The following KANK1 variants were observed in gnomAD, a reference collection of about 807,000 sequenced individuals.
KANK1 encodes the protein KN motif and ankyrin repeat domain-containing protein 1.
In KANK1, 109 loss-of-function variants were observed where a neutral mutation model predicts 106.2. That is an observed-to-expected ratio of 1.03 (90% CI 0.88 to 1.20). The LOEUF is 1.20. Among genes scored for constraint, KANK1 ranks in the 50% most tolerant of loss-of-function variants. The probability of loss-of-function intolerance (pLI) is 0.00; values close to 1 mark genes in which losing one functional copy is unlikely to be tolerated. For missense variants in KANK1, 2,399 were observed against 1,710.7 expected, an observed-to-expected ratio of 1.40 and a Z score of -7.10; for synonymous variants, 873 against 652.2, an observed-to-expected ratio of 1.34 and a Z score of -5.16.
At chr9:509,780 A>G (rs1292378168) in intron 1 of KANK1, among the ~76,000 whole-genome samples, 2 of 152,104 alleles carry the variant, frequency 1.3e-5, no homozygotes, top group South Asian at 2.1e-4. Flanking sequence ...TGAACCTAAT[A>G]TGGAATTGAT....
intron 6 of KANK1, chr9:734,123 A>AAC (rs1397721446): frequency 2.0e-5 from 3 of 151,340 alleles, no homozygotes; most frequent in Admixed American, 1.3e-4. Flanking sequence ...AAAAAAAAAA[A>AAC]AAAAAAAAAA....
At chr9:528,205 A>G (rs1386986028) in intron 1 of KANK1, among the ~76,000 whole-genome samples, 2 of 151,164 alleles carry the variant, frequency 1.3e-5, no homozygotes, top group East Asian at 1.9e-4. Context: ...GTCTTTTTGC[A>G]TTCATTTTTC....
In KANK1 at chr9:712,413, C is replaced by A. The variant is rs773983048; in HGVS notation, c.1647C>A (p.Ile549=). 6.2e-7 allele frequency: 1 copy of A among 1,614,172 alleles called. No individual in the cohort carries two copies. The highest frequency in any genetic ancestry group is 2.2e-5 in the East Asian group (1 of 44,870). Residue 549 remains isoleucine (I), a synonymous_variant, in exon 3 of 12, where the codon ATC becomes ATA. Transcript: ENST00000382297. ...GTSVETNSVG[I]SCQPECKNKV... ...CCGTGGAAACAAACAGTGTAGGCAT[C>A]TCCTGCCAGCCTGAATGTAAGAATA...
At chr9:606,803 C>T (rs1490110843) in intron 1 of KANK1, among the ~76,000 whole-genome samples, 1 of 151,400 alleles carries the variant, frequency 6.6e-6, no homozygotes, top group South Asian at 2.1e-4. Context: ...TTCATCCTCT[C>T]ATCAAATATA....
chr9:585,603 A>G lies in KANK1; in HGVS notation c.-84+80849A>G, dbSNP rs1402170639. ...CACTGAAGTAAAAAGCTTAACTTAG[A>G]ATAATCCAAATAGTCTTTGTCAGCT... is the stretch of plus-strand genomic sequence containing the variant. On this transcript the variant is annotated intron_variant, in intron 1 of 11. Transcript: ENST00000382297. Among the ~76,000 whole-genome samples the G allele has an allele frequency of 3.3e-5, 5 of 152,368 alleles. No homozygotes were observed. The East Asian group carries it at 9.6e-4, about 29-fold the overall frequency.
intron 1 of KANK1, among the ~76,000 whole-genome samples, chr9:550,948 C>T (rs1013316501): frequency 3.3e-5 from 5 of 152,004 alleles, no homozygotes; most frequent in African/African-American, 1.2e-4. Context: ...TTAAATCCAG[C>T]CCTCTTTCTG....
intron 1 of KANK1, among the ~76,000 whole-genome samples, chr9:571,002 C>CAT (rs548821852): frequency 1.3e-5 from 2 of 151,996 alleles, no homozygotes; most frequent in Non-Finnish European, 2.9e-5. Context: ...GAGTTACAAA[C>CAT]ATATATATTT....
chr9:538,255 A>G (rs1021806028), intron 1 of KANK1, among the ~76,000 whole-genome samples: 13 of 151,986 alleles, frequency 8.6e-5, no homozygotes, highest in African/African-American at 2.7e-4. Context: ...AAAAATGGGG[A>G]TGTAGTAAGT....
intron 1 of KANK1, among the ~76,000 whole-genome samples, chr9:538,076 G>A (rs573004486): frequency 6.8e-4 from 104 of 151,888 alleles, no homozygotes; most frequent in Non-Finnish European, 1.2e-3. Context: ...ATTGAGGGCA[G>A]CACTGAAAAG....
chr9:654,095 G>A (rs1841538791), intron 1 of KANK1, among the ~76,000 whole-genome samples: 1 of 152,148 alleles, frequency 6.6e-6, no homozygotes, highest in Non-Finnish European at 1.5e-5. Context: ...TTGAATAAGA[G>A]CAGATCGTTT....
intron 2 of KANK1, among the ~76,000 whole-genome samples, chr9:709,552 A>G (rs548855723): frequency 2.6e-5 from 4 of 151,518 alleles, no homozygotes; most frequent in South Asian, 2.1e-4. Context: ...TCTGCTGTCT[A>G]TATTCCAAGA....
At chr9:509,307 G>A (rs149378676) in intron 1 of KANK1, among the ~76,000 whole-genome samples, 3 of 152,134 alleles carry the variant, frequency 2.0e-5, no homozygotes, top group East Asian at 3.9e-4. Context: ...CATGTTGGCC[G>A]GGATGGTCTC....
chr9:660,878 C>G (rs1304557065), intron 1 of KANK1, among the ~76,000 whole-genome samples: 2 of 152,210 alleles, frequency 1.3e-5, no homozygotes, highest in Non-Finnish European at 2.9e-5. Context: ...TGGCTTGCCA[C>G]AAAGGTCTTT....
At chr9:727,208 C>T (rs1830915763) in intron 3 of KANK1, among the ~76,000 whole-genome samples, 1 of 152,116 alleles carries the variant, frequency 6.6e-6, no homozygotes, top group Non-Finnish European at 1.5e-5. Context: ...TCTTTTTGTA[C>T]ATCCTTAGGA....
upstream of KANK1, among the ~76,000 whole-genome samples, chr9:502,998 CTGAT>C (rs2058589395): frequency 7.7e-6 from 1 of 129,612 alleles, no homozygotes; most frequent in African/African-American, 3.2e-5. Flanking sequence ...TCGCGCCCAG[CTGAT>C]TTTTTTTTTT....
Position 549,226 on chromosome 9 carries a change from C to T in KANK1, c.-84+44472C>T, listed in dbSNP as rs561513286. 2.0e-5 allele frequency: 3 copies of T among 152,464 alleles called. No individual in the cohort carries two copies. In the South Asian group the frequency reaches 6.2e-4, roughly 32 times the overall value. The allele number at this position is 152,464 out of a possible 1,614,324, so 9.4% of individuals were successfully genotyped here. On this transcript the variant is annotated intron_variant, in intron 1 of 11. Transcript: ENST00000382297. ...CGCCTGAGAGAGTAGAGAAGACCCC[C>T]TCCCAGAACCTTCCTGTAAGGTCTC...
At chr9:673,660 A>G (rs1265172463) in intron 1 of KANK1, 1 of 152,166 alleles carries the variant, frequency 6.6e-6, no homozygotes. Flanking sequence ...AAAGAGTTTC[A>G]ATAACAGGAG....
intron 2 of KANK1, among the ~76,000 whole-genome samples, chr9:693,010 A>G (rs1234281072): frequency 6.6e-6 from 1 of 151,852 alleles, no homozygotes; most frequent in East Asian, 1.9e-4. Flanking sequence ...TCAAAAAAGA[A>G]CTTTTTTTTT....
chr9:567,580 C>T (rs1818115858), intron 1 of KANK1, among the ~76,000 whole-genome samples: 2 of 152,172 alleles, frequency 1.3e-5, no homozygotes, highest in African/African-American at 4.8e-5. Flanking sequence ...CTTCTAAGTA[C>T]CTTCTGCATT....
Sources: allele counts gnomAD v4.1 joint callset (sites outside exome capture counted in the v4.1 genomes callset), GRCh38; gene constraint gnomAD v4.1.1; transcripts MANE v1.5; gene names NCBI Gene and HGNC (gene_info 2026-07-23, HGNC 2026-07-21).